DCAF6: variants seen among roughly 807,000 people sequenced by gnomAD.
The protein encoded by DCAF6 is DDB1- and CUL4-associated factor 6.
In DCAF6, 54 loss-of-function variants were observed where a neutral mutation model predicts 125.1. The ratio of observed to expected loss-of-function variants is 0.43; its 90% CI spans 0.35 to 0.54. DCAF6 has a LOEUF of 0.54. Ranked by LOEUF, DCAF6 falls within the 20% of genes least tolerant of loss-of-function variation. The pLI is 0.01. For missense variants in DCAF6, 934 were observed against 1,161.7 expected (o/e 0.80, Z 2.85); for synonymous variants, 371 against 390.4 (o/e 0.95, Z 0.58).
chr1:168,016,326 T>C (rs1031307148), intron 11 of DCAF6, among the ~76,000 whole-genome samples: 4 of 152,166 alleles, frequency 2.6e-5, no homozygotes, highest in Admixed American at 6.5e-5. Context: ...CTCCTAGCTC[T>C]TCTTCTTCTT....
chr1:168,063,850 G>A, intron 18 of DCAF6, 91 bp downstream of exon 18: 1 of 1,255,904 alleles, frequency 8.0e-7, no homozygotes, highest in Non-Finnish European at 1.1e-6. Flanking sequence ...TATTGCCAAT[G>A]GGATTTCAGT....
chr1:167,896,770 G>A, the DCAF6 span: 1 of 1,010,004 alleles, frequency 9.9e-7, no homozygotes, highest in Non-Finnish European at 1.6e-6. Context: ...TTAGCAGAAA[G>A]AGAGTATGCT....
the DCAF6 span, among the ~76,000 whole-genome samples, chr1:167,906,884 G>C: frequency 2.6e-5 from 4 of 152,178 alleles, no homozygotes; most frequent in South Asian, 2.1e-4. Flanking sequence ...AGAAAACCTA[G>C]AGGGATTTTT....
chr1:168,051,236 T>C (rs970493944), intron 17 of DCAF6, among the ~76,000 whole-genome samples: 1 of 152,246 alleles, frequency 6.6e-6, no homozygotes, highest in African/African-American at 2.4e-5. Context: ...TCTTTTTGGA[T>C]ATTTTGTTGA....
intron 16 of DCAF6, among the ~76,000 whole-genome samples, chr1:168,047,515 A>G (rs747796586): frequency 9.9e-5 from 15 of 152,192 alleles, no homozygotes; most frequent in Middle Eastern, 3.4e-3. Flanking sequence ...TATTTAGCCT[A>G]TGTTGGTCCT....
At chr1:167,981,331 C>T (rs1679094095) in intron 4 of DCAF6, among the ~76,000 whole-genome samples, 1 of 152,070 alleles carries the variant, frequency 6.6e-6, no homozygotes. Context: ...ATGTAGATAA[C>T]CAGTTTTCCC....
At chr1:167,930,356 A>G in the DCAF6 span, among the ~76,000 whole-genome samples, 8 of 152,210 alleles carry the variant, frequency 5.3e-5, no homozygotes, top group Admixed American at 2.0e-4. Context: ...TTACTTTTAG[A>G]TTTAGAAAGA....
At chr1:168,021,470 G>A (rs1311251110) in intron 11 of DCAF6, among the ~76,000 whole-genome samples, 1 of 152,070 alleles carries the variant, frequency 6.6e-6, no homozygotes, top group African/African-American at 2.4e-5. Context: ...TGGTAGTGTT[G>A]AATCCAACTG....
chr1:168,059,042 C>T (rs183514749), intron 17 of DCAF6, among the ~76,000 whole-genome samples: 40 of 151,770 alleles, frequency 2.6e-4, no homozygotes, highest in Middle Eastern at 6.8e-3. Flanking sequence ...TTTGATGAAC[C>T]ATTTTTAATT....
the DCAF6 span, chr1:167,880,430 C>T: frequency 1.6e-6 from 2 of 1,225,426 alleles, no homozygotes; most frequent in African/African-American, 1.5e-5. Flanking sequence ...CCTGCATGCC[C>T]TCCCTACTTA....
chr1:167,942,645 T>TC (rs1357394706), intron 1 of DCAF6, among the ~76,000 whole-genome samples: 1 of 152,190 alleles, frequency 6.6e-6, no homozygotes, highest in African/African-American at 2.4e-5. Flanking sequence ...ACTTTTTTTT[T>TC]CCTGGAGATT....
At chr1:168,001,651 T>G (rs577609899) in intron 7 of DCAF6, among the ~76,000 whole-genome samples, 2 of 152,272 alleles carry the variant, frequency 1.3e-5, no homozygotes, top group South Asian at 4.1e-4. Context: ...GTTTTTTTTC[T>G]TAAAAATGAT....
chr1:167,977,323 CT>C (rs904047083), intron 4 of DCAF6, among the ~76,000 whole-genome samples: 16 of 134,868 alleles, frequency 1.2e-4, no homozygotes, highest in Admixed American at 2.3e-4. Context: ...TGAAAAATGT[CT>C]TTTTTTTTTA....
chr1:168,006,527 C>T (rs1254624189), intron 10 of DCAF6, among the ~76,000 whole-genome samples: 1 of 152,048 alleles, frequency 6.6e-6, no homozygotes, highest in Non-Finnish European at 1.5e-5. Context: ...CTGATAACAG[C>T]TTTTTCATTA....
the DCAF6 span, among the ~76,000 whole-genome samples, chr1:167,872,317 A>T: frequency 1.3e-5 from 2 of 151,764 alleles, no homozygotes; most frequent in African/African-American, 4.8e-5. Flanking sequence ...CAGCCTGGGC[A>T]ACAAGAGCAA....
intron 10 of DCAF6, among the ~76,000 whole-genome samples, chr1:168,006,071 A>G (rs542007489): frequency 6.6e-6 from 1 of 152,284 alleles, no homozygotes; most frequent in African/African-American, 2.4e-5. Flanking sequence ...GTTTTTAGGA[A>G]AACTTAGCAA....
At chr1:167,884,761 G>C in the DCAF6 span, among the ~76,000 whole-genome samples, 2 of 148,150 alleles carry the variant, frequency 1.3e-5, no homozygotes, top group Non-Finnish European at 3.0e-5. Context: ...GCAGTGGCGC[G>C]ATCTCGGCTC....
chr1:167,935,977 G>T (rs1393775735), upstream of DCAF6: 1 of 685,480 alleles, frequency 1.5e-6, no homozygotes, highest in Non-Finnish European at 2.5e-6. Flanking sequence ...CCCTTCCCGC[G>T]GCTTTCCCTG....
At chr1:167,939,185 C>T (rs551464934) in intron 1 of DCAF6, among the ~76,000 whole-genome samples, 1 of 152,234 alleles carries the variant, frequency 6.6e-6, no homozygotes, top group East Asian at 1.9e-4. Flanking sequence ...AGTGCTAATC[C>T]TGGCTTTGCA....
Sources: allele counts gnomAD v4.1 joint callset (sites outside exome capture counted in the v4.1 genomes callset), GRCh38; gene constraint gnomAD v4.1.1; transcripts MANE v1.5; gene names NCBI Gene and HGNC (gene_info 2026-07-23, HGNC 2026-07-21).